Variants in GRIK2 observed in about 807,000 individuals in gnomAD.
GRIK2 encodes the protein glutamate receptor ionotropic, kainate 2.
Under a neutral mutation model 100.3 loss-of-function variants are expected in GRIK2, and 32 were observed. The ratio of observed to expected loss-of-function variants is 0.32; its 90% CI spans 0.24 to 0.43. The LOEUF is 0.43. Among genes scored for constraint, GRIK2 ranks in the 20% least tolerant of loss-of-function variants. GRIK2 has a pLI of 1.00. For synonymous variants in GRIK2, 417 were observed against 389.4 expected, an observed-to-expected ratio of 1.07 and a Z score of -0.83; for missense variants, 843 against 1,114.9, an observed-to-expected ratio of 0.76 and a Z score of 3.47.
intron 7 of GRIK2, among the ~76,000 whole-genome samples, chr6:101,726,749 C>T (rs917378401): frequency 3.9e-5 from 6 of 151,930 alleles, no homozygotes; most frequent in East Asian, 3.9e-4. Context: ...GGTCAAATTA[C>T]GTGTCTTTTA....
At chr6:101,909,771 G>A (rs2791763) in intron 12 of GRIK2, among the ~76,000 whole-genome samples, 142,456 of 151,178 alleles carry the variant, frequency 0.94, 67,142 homozygotes, top group Middle Eastern at 0.97. Flanking sequence ...TATGCATTGT[G>A]TAATACAGAA....
At chr6:101,642,698 G>A (rs1309539120) in intron 4 of GRIK2, among the ~76,000 whole-genome samples, 1 of 151,576 alleles carries the variant, frequency 6.6e-6, no homozygotes, top group African/African-American at 2.4e-5. Context: ...CTATGGACAT[G>A]GGTAAACAAA....
At chr6:101,500,895 AAAT>A (rs1773712852) in intron 2 of GRIK2, among the ~76,000 whole-genome samples, 1 of 152,064 alleles carries the variant, frequency 6.6e-6, no homozygotes, top group Non-Finnish European at 1.5e-5. Context: ...AAGTTATTCC[AAAT>A]GTTTAGTTCA....
intron 2 of GRIK2, among the ~76,000 whole-genome samples, chr6:101,603,516 A>G (rs1779315468): frequency 6.6e-6 from 1 of 151,704 alleles, no homozygotes; most frequent in African/African-American, 2.4e-5. Flanking sequence ...GTCTAAAGCT[A>G]TTTGTGAAAA....
intron 12 of GRIK2, chr6:101,891,510 C>G (rs1436317585): frequency 2.8e-6 from 1 of 352,164 alleles, no homozygotes; most frequent in East Asian, 9.0e-5. Context: ...TAGCAGGACT[C>G]CATCTCAAAA....
In GRIK2 at chr6:101,708,090, TAAATG is replaced by T. The variant is rs148384808; in HGVS notation, c.951+21740_951+21744del. 4.3e-3 allele frequency among the ~76,000 whole-genome samples: 660 copies of T among 151,840 alleles called. 4 individuals carry two copies. The highest frequency in any genetic ancestry group is 0.015 in the African/African-American group (625 of 41,486). On this transcript the variant is annotated intron_variant, in intron 7 of 16. Coordinates refer to ENST00000369134, the MANE Select transcript of GRIK2 (RefSeq NM_021956.5). The stretch of plus-strand genomic sequence containing the variant: ...CAGTAAATAAATGTTACAGACAAAA[TAAATG>T]AATGAAAAAATAAACAAGTCCCAAA...
chr6:101,904,063 G>A (rs1430506891), intron 12 of GRIK2, among the ~76,000 whole-genome samples: 6 of 150,778 alleles, frequency 4.0e-5, no homozygotes, highest in Non-Finnish European at 8.9e-5. Flanking sequence ...TAGCCATGGG[G>A]CCTTTTTTTT....
At chr6:101,940,717 A>G (rs1320971204) in intron 14 of GRIK2, among the ~76,000 whole-genome samples, 1 of 152,118 alleles carries the variant, frequency 6.6e-6, no homozygotes, top group African/African-American at 2.4e-5. Flanking sequence ...GTAGTAGTGT[A>G]CTCTAAAACT....
chr6:101,461,132 T>C (rs1372033262), intron 2 of GRIK2, among the ~76,000 whole-genome samples: 1 of 152,268 alleles, frequency 6.6e-6, no homozygotes, highest in African/African-American at 2.4e-5. Context: ...GATGAAACCA[T>C]GTGGACATTT....
Position 101,662,529 on chromosome 6 carries a change from G to GT in GRIK2, c.542-14088dup, listed in dbSNP as rs780016350. Among the ~76,000 whole-genome samples, 8 of 152,192 alleles carry GT rather than the reference G, an allele frequency of 5.3e-5. No homozygotes were observed. In the East Asian group the frequency reaches 9.7e-4, roughly 18 times the overall value. ...GTCTAACATGATACCCTTCATAAGT[G>GT]TTTTTTACCAGCTACTGGTCAGCCT... On this transcript the variant is annotated intron_variant, in intron 4 of 16. Coordinates refer to ENST00000369134, the MANE Select transcript of GRIK2 (RefSeq NM_021956.5).
intron 2 of GRIK2, among the ~76,000 whole-genome samples, chr6:101,603,783 A>G (rs1779329145): frequency 1.3e-5 from 2 of 151,804 alleles, no homozygotes; most frequent in Non-Finnish European, 1.5e-5. Context: ...GTATTGTGTG[A>G]CATATTTCAT....
chr6:101,945,422 C>G (rs1031918251), intron 14 of GRIK2, among the ~76,000 whole-genome samples: 53 of 152,098 alleles, frequency 3.5e-4, no homozygotes, highest in Non-Finnish European at 6.6e-4. Flanking sequence ...TCCATTCTAA[C>G]AGAGGGCAAT....
At chr6:101,621,854 T>C (rs999956751) in intron 2 of GRIK2, 95 bp from the exon 3 acceptor site, 13 of 835,746 alleles carry the variant, frequency 1.6e-5, no homozygotes, top group Middle Eastern at 4.5e-4. Flanking sequence ...CTTGCACATA[T>C]ATAAAAGTAC....
rs983352117 is a variant in GRIK2 at position 101,601,846 on chromosome 6, A to T, written c.116-20103A>T. Among the ~76,000 whole-genome samples, 3 of 151,558 alleles carry T rather than the reference A, an allele frequency of 2.0e-5. No individual in the cohort carries two copies. In the East Asian group the frequency reaches 5.9e-4, roughly 30 times the overall value. Reference sequence around the variant, plus strand: ...TTTTTCTTGGTTAATCTAGCTAGCAATCTATTGATCATGTGTATCCTTTCA... The same window carrying T: ...TTTTTCTTGGTTAATCTAGCTAGCATTCTATTGATCATGTGTATCCTTTCA... On this transcript the variant is annotated intron_variant, in intron 2 of 16. Transcript: ENST00000369134.
chr6:101,849,140 G>A (rs1254390224), intron 10 of GRIK2, among the ~76,000 whole-genome samples: 1 of 151,724 alleles, frequency 6.6e-6, no homozygotes, highest in African/African-American at 2.4e-5. Flanking sequence ...CAGACTTTCC[G>A]AATGTTTATC....
At chr6:101,499,430 A>G (rs1773633581) in intron 2 of GRIK2, among the ~76,000 whole-genome samples, 2 of 152,106 alleles carry the variant, frequency 1.3e-5, no homozygotes, top group Admixed American at 6.6e-5. Flanking sequence ...TATTTGTTTT[A>G]GAACATTGAA....
At chr6:101,708,540 T>C (rs905536819) in intron 7 of GRIK2, among the ~76,000 whole-genome samples, 7 of 151,726 alleles carry the variant, frequency 4.6e-5, no homozygotes, top group African/African-American at 1.4e-4. Context: ...TGTCACTCTT[T>C]AAAATTTACC....
intron 7 of GRIK2, among the ~76,000 whole-genome samples, chr6:101,710,033 TATATC>T (rs1226976514): frequency 1.3e-5 from 2 of 151,882 alleles, no homozygotes; most frequent in African/African-American, 4.8e-5. Flanking sequence ...CTCTGGGAAT[TATATC>T]ATAAGAGGCA....
At chr6:101,502,858 T>G (rs1411184096) in intron 2 of GRIK2, among the ~76,000 whole-genome samples, 3 of 152,182 alleles carry the variant, frequency 2.0e-5, no homozygotes, top group Non-Finnish European at 4.4e-5. Context: ...TCACTCAAAG[T>G]GGAAGATTGC....
Sources: allele counts gnomAD v4.1 joint callset (sites outside exome capture counted in the v4.1 genomes callset), GRCh38; gene constraint gnomAD v4.1.1; transcripts MANE v1.5; gene names NCBI Gene and HGNC (gene_info 2026-07-23, HGNC 2026-07-21).